Variants in SUMO2 observed in about 807,000 individuals in gnomAD.
SUMO2 encodes small ubiquitin like modifier 2.
A neutral mutation model predicts 16.0 loss-of-function variants in SUMO2; 1 was observed. That is an observed-to-expected ratio of 0.06 (90% CI 0.02 to 0.30). The LOEUF is 0.30. Among genes scored for constraint, SUMO2 ranks in the 10% least tolerant of loss-of-function variants. SUMO2 has a pLI of 1.00. For missense variants in SUMO2, 16 were observed against 117.5 expected, an observed-to-expected ratio of 0.14 and a Z score of 3.99; for synonymous variants, 36 against 40.6, an observed-to-expected ratio of 0.89 and a Z score of 0.43.
intron 2 of SUMO2, among the ~76,000 whole-genome samples, chr17:75,176,125 C>T (rs1421478031): frequency 1.3e-5 from 2 of 151,826 alleles, no homozygotes; most frequent in Non-Finnish European, 2.9e-5. Flanking sequence ...ACGCAACCTC[C>T]ACCACCGGAG....
chr17:75,173,799 A>C (rs899323), intron 3 of SUMO2, among the ~76,000 whole-genome samples: 149,404 of 152,214 alleles, frequency 0.98, 73,392 homozygotes, highest in East Asian at 1. Context: ...CCCTGCTAGG[A>C]CAAAACTGGA....
intron 2 of SUMO2, among the ~76,000 whole-genome samples, chr17:75,180,186 C>T (rs1430541528): frequency 1.3e-5 from 2 of 150,958 alleles, no homozygotes; most frequent in African/African-American, 4.9e-5. Flanking sequence ...TGGTGGCGCA[C>T]GCCTGAAATC....
At chr17:75,182,356 G>A (rs1301785805) in intron 1 of SUMO2, 2 of 153,448 alleles carry the variant, frequency 1.3e-5, no homozygotes, top group African/African-American at 4.8e-5. Context: ...CCCAGGCAGG[G>A]GTCCCCAGAT....
At chr17:75,177,012 G>A (rs939709274) in intron 2 of SUMO2, among the ~76,000 whole-genome samples, 5 of 151,664 alleles carry the variant, frequency 3.3e-5, no homozygotes, top group Admixed American at 6.6e-5. Context: ...GTGAAACCCC[G>A]TCTCTACTAA....
chr17:75,168,425 G>A (rs1271196668), intron 3 of SUMO2, 24 bp from the exon 4 acceptor site: 1 of 1,586,820 alleles, frequency 6.3e-7, no homozygotes, highest in Non-Finnish European at 8.6e-7. Context: ...AAAAACAAAT[G>A]TAAAAGCACT....
chr17:75,179,364 C>T (rs1360080489), intron 2 of SUMO2, among the ~76,000 whole-genome samples: 1 of 151,962 alleles, frequency 6.6e-6, no homozygotes, highest in Non-Finnish European at 1.5e-5. Flanking sequence ...CCCCATCTTG[C>T]TGACAATACA....
At chr17:75,173,397 C>A (rs188827875) in intron 3 of SUMO2, among the ~76,000 whole-genome samples, 2 of 152,082 alleles carry the variant, frequency 1.3e-5, no homozygotes, top group East Asian at 3.9e-4. Context: ...TGGCCTCAAG[C>A]AACCCTCCTG....
At chr17:75,177,988 C>CCAAAAAA (rs755871175) in intron 2 of SUMO2, among the ~76,000 whole-genome samples, 1 of 66,400 alleles carries the variant, frequency 1.5e-5, no homozygotes, top group African/African-American at 6.8e-5. Context: ...GACTCCGTCT[C>CCAAAAAA]AAAAAAAAAA....
At chr17:75,175,586 C>G (rs1257599407) in intron 2 of SUMO2, among the ~76,000 whole-genome samples, 1 of 151,928 alleles carries the variant, frequency 6.6e-6, no homozygotes, top group Non-Finnish European at 1.5e-5. Flanking sequence ...TCCCAAAGTG[C>G]TGGGATTACA....
At chr17:75,177,002 G>A (rs908242634) in intron 2 of SUMO2, among the ~76,000 whole-genome samples, 2 of 151,770 alleles carry the variant, frequency 1.3e-5, no homozygotes, top group African/African-American at 4.8e-5. Flanking sequence ...GTCCAACATG[G>A]TGAAACCCCG....
chr17:75,176,175 G>A (rs1361931521), intron 2 of SUMO2, among the ~76,000 whole-genome samples: 1 of 152,012 alleles, frequency 6.6e-6, no homozygotes, highest in African/African-American at 2.4e-5. Flanking sequence ...CAGTAGCTGG[G>A]ACTACAGGCT....
chr17:75,172,413 G>A (rs1462627706), intron 3 of SUMO2, among the ~76,000 whole-genome samples: 2 of 149,560 alleles, frequency 1.3e-5, no homozygotes, highest in Non-Finnish European at 3.0e-5. Context: ...TCCGCCTCTC[G>A]GGTTCAGGTG....
intron 1 of SUMO2, 113 bp from the exon 2 acceptor site, chr17:75,181,301 G>A (rs775099333): frequency 5.5e-6 from 6 of 1,097,948 alleles, no homozygotes; most frequent in Non-Finnish European, 7.8e-6. Context: ...CATACTGTAT[G>A]CTAAAACGGC....
At chr17:75,180,419 A>AAAC (rs2074819967) in intron 2 of SUMO2, among the ~76,000 whole-genome samples, 1 of 144,116 alleles carries the variant, frequency 6.9e-6, no homozygotes, top group Non-Finnish European at 1.5e-5. Context: ...AAAAAAAAAA[A>AAAC]AACGACTTCT....
At chr17:75,172,179 T>A (rs1047924324) in intron 3 of SUMO2, among the ~76,000 whole-genome samples, 1 of 151,874 alleles carries the variant, frequency 6.6e-6, no homozygotes, top group South Asian at 2.1e-4. Context: ...AGCACCACCA[T>A]GCCCGGCTAA....
chr17:75,180,865 A>C (rs1187054056), intron 2 of SUMO2, among the ~76,000 whole-genome samples, 192 bp downstream of exon 2: 2 of 152,180 alleles, frequency 1.3e-5, no homozygotes, highest in South Asian at 2.1e-4. Flanking sequence ...ACCACATATA[A>C]TACTAACCAA....
chr17:75,174,945 A>G (rs1172661406), intron 2 of SUMO2, 122 bp from the exon 3 acceptor site: 2 of 819,276 alleles, frequency 2.4e-6, no homozygotes, highest in Non-Finnish European at 3.8e-6. Context: ...AATTGCCAAC[A>G]TGTTAACATA....
intron 2 of SUMO2, among the ~76,000 whole-genome samples, chr17:75,179,257 A>G (rs2145225468): frequency 6.6e-6 from 1 of 152,260 alleles, no homozygotes; most frequent in African/African-American, 2.4e-5. Flanking sequence ...TGCTGGGCAC[A>G]GTGGCTCACG....
chr17:75,173,578 A>G (rs1409320553), intron 3 of SUMO2, among the ~76,000 whole-genome samples: 1 of 151,594 alleles, frequency 6.6e-6, no homozygotes, highest in African/African-American at 2.4e-5. Context: ...GGGCTCAAGC[A>G]ATCCTTCCAC....
Sources: allele counts gnomAD v4.1 joint callset (sites outside exome capture counted in the v4.1 genomes callset), GRCh38; gene constraint gnomAD v4.1.1; transcripts MANE v1.5; gene names NCBI Gene and HGNC (gene_info 2026-07-23, HGNC 2026-07-21).